The following SHROOM3 variants were observed in gnomAD, a reference collection of about 807,000 sequenced individuals.
SHROOM3 encodes the protein protein Shroom3.
SHROOM3 carries 47 observed loss-of-function variants against 138.6 expected under a neutral mutation model. That is an observed-to-expected ratio of 0.34 (90% CI 0.27 to 0.43). The LOEUF (loss-of-function observed/expected upper bound fraction) is 0.43, where lower values mean the gene tolerates loss of function less well. SHROOM3 is among the 20% of genes least tolerant of loss of function. SHROOM3 has a pLI of 1.00. For synonymous variants in SHROOM3, 1,062 were observed against 1,063.3 expected, an observed-to-expected ratio of 1.00 and a Z score of 0.02; for missense variants, 2,491 against 2,596.5, an observed-to-expected ratio of 0.96 and a Z score of 0.88.
At chr4:76,562,035 T>C (rs1310515108) in intron 2 of SHROOM3, among the ~76,000 whole-genome samples, 2 of 151,678 alleles carry the variant, frequency 1.3e-5, no homozygotes, top group African/African-American at 4.8e-5. Context: ...AAAAAAACCC[T>C]CAAAACAATA....
chr4:76,640,050 C>T (rs1735620293), intron 2 of SHROOM3, among the ~76,000 whole-genome samples: 1 of 152,004 alleles, frequency 6.6e-6, no homozygotes, highest in Admixed American at 6.5e-5. Flanking sequence ...TAGCTCCTCT[C>T]TTGTGTTATG....
intron 5 of SHROOM3, among the ~76,000 whole-genome samples, chr4:76,746,529 C>CTA (rs1721440581): frequency 1.3e-5 from 2 of 152,264 alleles, no homozygotes; most frequent in East Asian, 3.9e-4. Flanking sequence ...TAAGCACACT[C>CTA]TATAATGTTT....
intron 1 of SHROOM3, among the ~76,000 whole-genome samples, chr4:76,536,349 A>G (rs1732953201): frequency 6.6e-6 from 1 of 152,178 alleles, no homozygotes; most frequent in African/African-American, 2.4e-5. Flanking sequence ...GAGCATATAG[A>G]GGTTTCATTT....
At chr4:76,685,908 G>T (rs1175337836) in intron 2 of SHROOM3, among the ~76,000 whole-genome samples, 6 of 152,124 alleles carry the variant, frequency 3.9e-5, no homozygotes, top group Non-Finnish European at 8.8e-5. Flanking sequence ...GGAGGCAGAG[G>T]TTGCAGTGAG....
chr4:76,638,417 G>A (rs768580080), intron 2 of SHROOM3, among the ~76,000 whole-genome samples: 24 of 152,152 alleles, frequency 1.6e-4, no homozygotes, highest in Non-Finnish European at 2.8e-4. Context: ...AGATGTGGTG[G>A]TGCACATCTG....
intron 1 of SHROOM3, among the ~76,000 whole-genome samples, chr4:76,522,380 A>G (rs979969423): frequency 6.6e-6 from 1 of 151,764 alleles, no homozygotes; most frequent in Non-Finnish European, 1.5e-5. Flanking sequence ...GAGATACATA[A>G]TAAGGCATTA....
intron 2 of SHROOM3, chr4:76,688,409 T>C (rs1027343835): frequency 3.1e-5 from 31 of 985,288 alleles, no homozygotes; most frequent in Non-Finnish European, 3.7e-5. Flanking sequence ...GGGAGGTTTC[T>C]ATTTCCTACC....
chr4:76,513,139 A>G (rs893633745), intron 1 of SHROOM3, among the ~76,000 whole-genome samples: 2 of 152,136 alleles, frequency 1.3e-5, no homozygotes, highest in African/African-American at 4.8e-5. Context: ...CTTTGACTTC[A>G]AAGGTCCCTT....
chr4:76,736,274 C>T (rs1445923888), intron 4 of SHROOM3, among the ~76,000 whole-genome samples: 3 of 152,172 alleles, frequency 2.0e-5, no homozygotes, highest in South Asian at 2.1e-4. Context: ...CATTGAGTGC[C>T]GGGTCTGATT....
chr4:76,705,678 T>A (rs1417459562), intron 2 of SHROOM3, among the ~76,000 whole-genome samples: 1 of 152,188 alleles, frequency 6.6e-6, no homozygotes, highest in East Asian at 1.9e-4. Flanking sequence ...CATACTACAG[T>A]ATATTTTTTT....
chr4:76,622,678 C>T (rs866788190), intron 2 of SHROOM3, among the ~76,000 whole-genome samples: 2 of 151,934 alleles, frequency 1.3e-5, no homozygotes, highest in Non-Finnish European at 2.9e-5. Context: ...AAGGAGGCCA[C>T]GGGGAAGTAA....
At position 76,741,091 on chromosome 4, in the gene SHROOM3, C is replaced by T; in HGVS notation, c.2918C>T (p.Ala973Val). The T allele has an allele frequency of 6.5e-7, 1 of 1,544,124 alleles. No individual in the cohort carries two copies. The highest frequency in any genetic ancestry group is 8.7e-7 in the Non-Finnish European group (1 of 1,144,652). The change falls in exon 5 of 11, where the codon GCG (alanine) becomes GTG (valine). Residue 973 changes from alanine (A) to valine (V), a missense_variant. Coordinates refer to ENST00000296043, the MANE Select transcript of SHROOM3 (RefSeq NM_020859.4). This position sits in a 1 kb window ranked among gnomAD's most constrained non-coding sequence, Gnocchi z 6.2. The stretch of plus-strand genomic sequence containing the variant: ...CACGTGGGGCTGCGGAGCCCCGAGG[C>T]GTCGGCCTCCGCCTCCCCGCACACG... ...SAHVGLRSPE[A>V]SASASPHTPR...
At chr4:76,655,481 T>C (rs1196813692) in intron 2 of SHROOM3, among the ~76,000 whole-genome samples, 4 of 152,184 alleles carry the variant, frequency 2.6e-5, no homozygotes, top group African/African-American at 9.7e-5. Flanking sequence ...AGAAAGACTG[T>C]TGGGCAGGAA....
At chr4:76,687,448 T>A (rs1719374283) in intron 2 of SHROOM3, among the ~76,000 whole-genome samples, 1 of 152,180 alleles carries the variant, frequency 6.6e-6, no homozygotes, top group Admixed American at 6.5e-5. Flanking sequence ...TACACACACT[T>A]GATATGTGTA....
At chr4:76,687,812 A>G (rs1256132409) in intron 2 of SHROOM3, among the ~76,000 whole-genome samples, 1 of 152,158 alleles carries the variant, frequency 6.6e-6, no homozygotes, top group Non-Finnish European at 1.5e-5. Context: ...TTAATCACCA[A>G]TTTACAGTGA....
At chr4:76,493,029 T>C (rs1378715995) in intron 1 of SHROOM3, among the ~76,000 whole-genome samples, 1 of 152,016 alleles carries the variant, frequency 6.6e-6, no homozygotes, top group Non-Finnish European at 1.5e-5. Flanking sequence ...GACACCAACC[T>C]GACCAGCATG....
chr4:76,620,091 A>AAAAAAG (rs749696462), intron 2 of SHROOM3, among the ~76,000 whole-genome samples: 92 of 135,314 alleles, frequency 6.8e-4, no homozygotes, highest in East Asian at 1.6e-3. Context: ...AAAAAAAAAA[A>AAAAAAG]AAGAAGAAAA....
intron 1 of SHROOM3, among the ~76,000 whole-genome samples, chr4:76,545,351 C>T (rs1733191420): frequency 6.6e-6 from 1 of 152,162 alleles, no homozygotes; most frequent in Non-Finnish European, 1.5e-5. Context: ...GCTCCTTCCT[C>T]CCAGGGAGCT....
At chr4:76,447,783 T>G (rs1730844285) in intron 1 of SHROOM3, among the ~76,000 whole-genome samples, 1 of 152,200 alleles carries the variant, frequency 6.6e-6, no homozygotes, top group Admixed American at 6.5e-5. Flanking sequence ...TTGCATGGTG[T>G]TGCTCTTGGC....
Sources: allele counts gnomAD v4.1 joint callset (sites outside exome capture counted in the v4.1 genomes callset), GRCh38; gene constraint gnomAD v4.1.1; non-coding constraint Gnocchi (gnomAD v3.1); transcripts MANE v1.5; gene names NCBI Gene and HGNC (gene_info 2026-07-23, HGNC 2026-07-21).